RNF145: variants seen among roughly 807,000 people sequenced by gnomAD.
The protein encoded by RNF145 is ring finger protein 145.
Under a neutral mutation model 57.3 loss-of-function variants are expected in RNF145, and 12 were observed. The observed-to-expected ratio is 0.21, with a 90% CI of 0.13 to 0.34. The LOEUF is 0.34. Ranked by LOEUF, RNF145 falls within the 10% of genes least tolerant of loss-of-function variation. The probability of loss-of-function intolerance (pLI) is 1.00; values close to 1 mark genes in which losing one functional copy is unlikely to be tolerated. For missense variants in RNF145, 429 were observed against 799.0 expected (o/e 0.54, Z 5.58); for synonymous variants, 262 against 288.3 (o/e 0.91, Z 0.92).
rs550921340 is a variant in RNF145, at chr5:159,187,622, C to T, written c.294-5571G>A. Among the ~76,000 whole-genome samples, 30 of 152,224 alleles carry T rather than the reference C, an allele frequency of 2.0e-4. No individual in the cohort carries two copies. In the South Asian group the frequency reaches 2.1e-3, roughly 11 times the overall value. ...GACTACAGGCGTGTGCCACCACTCCCGGCCTATCTATAGTAGTTCTTAACT... is the reference window on the plus strand; with the variant it reads ...GACTACAGGCGTGTGCCACCACTCCTGGCCTATCTATAGTAGTTCTTAACT... On this transcript the variant is annotated intron_variant, in intron 3 of 10. Transcript: ENST00000424310.
chr5:159,203,769 C>T (rs975173763), intron 1 of RNF145, 113 bp from the exon 2 acceptor site: 7 of 645,718 alleles, frequency 1.1e-5, no homozygotes, highest in African/African-American at 7.3e-5. Flanking sequence ...TATGTGAGAA[C>T]GTATACTACT....
intron 9 of RNF145, among the ~76,000 whole-genome samples, chr5:159,162,655 C>G (rs1016579067): frequency 6.6e-6 from 1 of 151,340 alleles, no homozygotes; most frequent in Admixed American, 6.6e-5. Flanking sequence ...AGGATGGTCT[C>G]GATCTCCTGA....
upstream of RNF145, chr5:159,209,677 C>T (rs998580764): frequency 1.8e-4 from 167 of 943,358 alleles, no homozygotes; most frequent in Non-Finnish European, 2.3e-4. Context: ...CGCACCGCCT[C>T]CGGTGCGTGG....
At chr5:159,182,723 T>C (rs1421717501) in intron 3 of RNF145, among the ~76,000 whole-genome samples, 5 of 152,186 alleles carry the variant, frequency 3.3e-5, no homozygotes, top group Non-Finnish European at 7.4e-5. Flanking sequence ...CCAGAGCCTT[T>C]ACACACTCAG....
chr5:159,166,517 A>C (rs1784398125), intron 8 of RNF145, among the ~76,000 whole-genome samples: 1 of 152,210 alleles, frequency 6.6e-6, no homozygotes, highest in African/African-American at 2.4e-5. Flanking sequence ...TTAAGTCCCT[A>C]ACATACTGGA....
upstream of RNF145, chr5:159,209,815 A>T (rs1466742816): frequency 5.9e-6 from 9 of 1,532,036 alleles, no homozygotes; most frequent in Middle Eastern, 1.7e-4. Flanking sequence ...TCTCACTCCC[A>T]AACACCACGG....
In RNF145 at chr5:159,161,382, G is replaced by T. The variant is rs774249502; in HGVS notation, c.1510C>A (p.Leu504Met). The change falls in exon 10 of 11, where the codon CTG becomes ATG. Residue 504 changes from leucine to methionine, a missense_variant. Coordinates refer to ENST00000424310, the MANE Select transcript of RNF145 (RefSeq NM_001199383.2). ...SYYNVWLRAQ[L>M]GWKSFLLRRD... is the part of the protein sequence containing the mutation. ...CGGAGAAGAAAGCTCTTCCACCCCA[G>T]CTGGGCCCGAAGCCACACGTTATAG... The T allele has an allele frequency of 1.2e-6, 2 of 1,614,100 alleles. No individual in the cohort carries two copies. Among genetic ancestry groups the T allele is most frequent in the Non-Finnish European group, 1.7e-6 (2 of 1,179,988 alleles).
chr5:159,161,885 T>C (rs1584659625), intron 9 of RNF145, among the ~76,000 whole-genome samples: 1 of 152,356 alleles, frequency 6.6e-6, no homozygotes, highest in East Asian at 1.9e-4. Flanking sequence ...TTTCCTAAAA[T>C]GATTCTGATG....
chr5:159,163,953 C>T (rs1487768905), intron 8 of RNF145, among the ~76,000 whole-genome samples: 3 of 152,184 alleles, frequency 2.0e-5, no homozygotes, highest in Non-Finnish European at 1.5e-5. Flanking sequence ...AAATAAAGCT[C>T]ATGGCTACAA....
At chr5:159,172,710 T>C (rs1381267491) in intron 6 of RNF145, among the ~76,000 whole-genome samples, 1 of 152,238 alleles carries the variant, frequency 6.6e-6, no homozygotes, top group Non-Finnish European at 1.5e-5. Flanking sequence ...GTTTTTGTCC[T>C]GTATATTTTT....
At chr5:159,187,948 C>T (rs1483195399) in intron 3 of RNF145, among the ~76,000 whole-genome samples, 1 of 152,136 alleles carries the variant, frequency 6.6e-6, no homozygotes, top group East Asian at 1.9e-4. Context: ...CATTTGAAAC[C>T]GTACTTACAC....
At chr5:159,181,843 T>C (rs1784905082) in intron 4 of RNF145, 117 bp downstream of exon 4, 5 of 622,580 alleles carry the variant, frequency 8.0e-6, no homozygotes, top group Non-Finnish European at 1.4e-5. Flanking sequence ...GTGGGAAAAG[T>C]CCCCATGAAT....
rs537721041 is a variant in RNF145 at position 159,204,120 on chromosome 5, T to G, written c.-39-464A>C. Among the ~76,000 whole-genome samples the G allele has an allele frequency of 2.6e-5, 4 of 152,262 alleles. No homozygotes were observed. The South Asian group carries it at 8.3e-4, about 31-fold the overall frequency. ...ACGTTTAGTTTGCAGCATCTTGTAC[T>G]CTATGCTTTTCCTTATTCACTTACA... On this transcript the variant is annotated intron_variant, in intron 1 of 10. Coordinates refer to ENST00000424310, the MANE Select transcript of RNF145 (RefSeq NM_001199383.2).
intron 3 of RNF145, among the ~76,000 whole-genome samples, chr5:159,187,625 C>T (rs1208892866): frequency 6.6e-6 from 1 of 152,114 alleles, no homozygotes; most frequent in Non-Finnish European, 1.5e-5. Context: ...CCACTCCCGG[C>T]CTATCTATAG....
chr5:159,181,832 T>A (rs907661533), intron 4 of RNF145, 128 bp downstream of exon 4: 15 of 597,154 alleles, frequency 2.5e-5, no homozygotes, highest in African/African-American at 7.4e-5. Context: ...AATGGGTATA[T>A]GTGGGAAAAG....
At chr5:159,201,930 G>A (rs1361016499) in intron 2 of RNF145, among the ~76,000 whole-genome samples, 7 of 152,086 alleles carry the variant, frequency 4.6e-5, no homozygotes, top group Admixed American at 4.6e-4. Context: ...GTATTTGAGG[G>A]TGAAATTCTG....
intron 1 of RNF145, among the ~76,000 whole-genome samples, chr5:159,208,949 A>G (rs1786002919): frequency 2.0e-5 from 3 of 151,270 alleles, no homozygotes; most frequent in Admixed American, 2.0e-4. Context: ...GAGCTGGAAC[A>G]GAGGGGGCTT....
intron 4 of RNF145, among the ~76,000 whole-genome samples, chr5:159,180,365 G>A (rs1449897206): frequency 1.3e-5 from 2 of 151,958 alleles, no homozygotes; most frequent in African/African-American, 4.8e-5. Context: ...AATCCCTGTT[G>A]AGGTCTTCTC....
chr5:159,164,625 G>A (rs578179675), intron 8 of RNF145, among the ~76,000 whole-genome samples: 1 of 151,792 alleles, frequency 6.6e-6, no homozygotes, highest in East Asian at 1.9e-4. Context: ...TTAAATAAAA[G>A]CAAATTTCAA....
Sources: allele counts gnomAD v4.1 joint callset (sites outside exome capture counted in the v4.1 genomes callset), GRCh38; gene constraint gnomAD v4.1.1; transcripts MANE v1.5; gene names NCBI Gene and HGNC (gene_info 2026-07-23, HGNC 2026-07-21).